The following ERC1 variants were observed in gnomAD, a reference collection of about 807,000 sequenced individuals.
ERC1 encodes the protein ELKS/RAB6-interacting/CAST family member 1, also known as RAB6 interacting protein 2.
Under a neutral mutation model 132.0 loss-of-function variants are expected in ERC1, and 56 were observed. The observed-to-expected ratio is 0.42, with a 90% CI of 0.34 to 0.53. ERC1 has a LOEUF of 0.53. Ranked by LOEUF, ERC1 falls within the 20% of genes least tolerant of loss-of-function variation. The pLI, the probability that ERC1 is intolerant of heterozygous loss-of-function variation, is 0.03. For missense variants in ERC1, 1,202 were observed against 1,349.9 expected (o/e 0.89, Z 1.72); for synonymous variants, 478 against 476.1 (o/e 1.00, Z -0.05).
At chr12:1,360,525 CT>C (rs1407699318) in intron 15 of ERC1, among the ~76,000 whole-genome samples, 1 of 152,174 alleles carries the variant, frequency 6.6e-6, no homozygotes, top group Non-Finnish European at 1.5e-5. Context: ...AATCCAAAAC[CT>C]ATCACTCTGA....
At chr12:1,374,493 A>C (rs991840177) in intron 16 of ERC1, among the ~76,000 whole-genome samples, 2 of 152,114 alleles carry the variant, frequency 1.3e-5, no homozygotes, top group Non-Finnish European at 1.5e-5. Context: ...AAAATAAACT[A>C]AGGCTGTCTA....
Position 1,442,350 on chromosome 12 carries a change from C to T in ERC1, c.3025-2212C>T. 1.3e-5 allele frequency among the ~76,000 whole-genome samples: 2 copies of T among 152,242 alleles called. 1 individual carries two copies. The highest frequency in any genetic ancestry group is 3.8e-4 in the East Asian group (2 of 5,204). On this transcript the variant is annotated intron_variant, in intron 17 of 18. Transcript: ENST00000360905. Reference sequence around the variant, plus strand: ...ACTTGATTGAAACACTGTCTTCCTTCTGTGACTGGCTGTGTTGACATGCCT... The same window carrying T: ...ACTTGATTGAAACACTGTCTTCCTTTTGTGACTGGCTGTGTTGACATGCCT...
intron 12 of ERC1, among the ~76,000 whole-genome samples, chr12:1,226,322 C>T (rs999721774): frequency 1.3e-5 from 2 of 152,142 alleles, no homozygotes; most frequent in African/African-American, 2.4e-5. Flanking sequence ...CATTTAAGTA[C>T]GGTGTACCAC....
chr12:1,406,494 T>G (rs1179697760), intron 16 of ERC1, among the ~76,000 whole-genome samples: 1 of 152,020 alleles, frequency 6.6e-6, no homozygotes, highest in Non-Finnish European at 1.5e-5. Context: ...AGAGAAAAAG[T>G]AGAATAAATC....
At chr12:1,353,287 C>T (rs1189818978) in intron 15 of ERC1, among the ~76,000 whole-genome samples, 1 of 152,124 alleles carries the variant, frequency 6.6e-6, no homozygotes, top group African/African-American at 2.4e-5. Context: ...GCCTCGGCCT[C>T]CCAAAGTACT....
chr12:1,311,277 A>C lies in ERC1; in HGVS notation c.2780+21265A>C, dbSNP rs115835836. Among the ~76,000 whole-genome samples the C allele has an allele frequency of 3.7e-3, 564 of 152,324 alleles. 6 individuals are homozygous for C. The highest frequency in any genetic ancestry group is 0.02 in the Middle Eastern group (6 of 294). The stretch of plus-strand genomic sequence containing the variant: ...CGTAAAACAGACAAAACTACTTGGC[A>C]AGAAAAATTGACCACTGACTTCTCT... On this transcript the variant is annotated intron_variant, in intron 15 of 18. Coordinates refer to ENST00000360905, the MANE Select transcript of ERC1 (RefSeq NM_178040.4).
At position 1,028,087 on chromosome 12, in the gene ERC1, T is replaced by G; in HGVS notation, c.184T>G (p.Leu62Val). Residue 62 changes from leucine to valine, a missense_variant, in exon 2 of 19, where the codon TTA becomes GTA. Transcript: ENST00000360905. The stretch of plus-strand genomic sequence containing the variant: ...CCTTTCAATGGAAAATATACAATCT[T>G]TAAATGCTGCCTATGCCACCTCTGG... ...KTLSMENIQSLNAAYATSGPM... is the reference protein window; with the variant it reads ...KTLSMENIQSVNAAYATSGPM... The G allele has an allele frequency of 6.2e-7, 1 of 1,614,144 alleles. No individual in the cohort carries two copies. The highest frequency in any genetic ancestry group is 8.5e-7 in the Non-Finnish European group (1 of 1,180,024).
chr12:1,345,474 C>T (rs941823544), intron 15 of ERC1, among the ~76,000 whole-genome samples: 35 of 152,146 alleles, frequency 2.3e-4, no homozygotes, highest in African/African-American at 8.0e-4. Context: ...TGAGCCACCA[C>T]GCCTGGCCAG....
chr12:1,339,941 C>T (rs1050599770), intron 15 of ERC1, among the ~76,000 whole-genome samples: 3 of 152,166 alleles, frequency 2.0e-5, no homozygotes, highest in Non-Finnish European at 2.9e-5. Context: ...CACACACATG[C>T]ACACTGGCAG....
intron 2 of ERC1, among the ~76,000 whole-genome samples, chr12:1,066,704 G>A (rs921444547): frequency 6.6e-6 from 1 of 152,058 alleles, no homozygotes; most frequent in African/African-American, 2.4e-5. Context: ...GGGTGTGGTG[G>A]TAGGTGCCTG....
intron 8 of ERC1, 30 bp from the exon 9 acceptor site, chr12:1,180,510 C>G: frequency 6.2e-7 from 1 of 1,607,230 alleles, no homozygotes; most frequent in Non-Finnish European, 8.5e-7. Context: ...CATGTCCTCT[C>G]TTTTCCCTTA....
At chr12:1,177,430 A>G (rs975254220) in intron 8 of ERC1, among the ~76,000 whole-genome samples, 12 of 152,158 alleles carry the variant, frequency 7.9e-5, no homozygotes, top group African/African-American at 2.9e-4. Context: ...GAGATGTGCA[A>G]CTTTTCCTTC....
Position 1,491,510 on chromosome 12 carries a change from G to A in ERC1, c.*1280G>A, listed in dbSNP as rs2094318469. 1 of 230,500 alleles carries A rather than the reference G, an allele frequency of 4.3e-6. No homozygotes were observed. Among genetic ancestry groups the A allele is most frequent in the Non-Finnish European group, 8.6e-6 (1 of 116,452 alleles). The allele number at this position is 230,500 out of a possible 1,614,324, so 14.3% of individuals were successfully genotyped here. A position where few individuals can be genotyped will look rare whatever the true frequency, so the allele number is the denominator to read the frequency against. On this transcript the variant is annotated 3_prime_UTR_variant, in exon 19 of 19. Transcript: ENST00000360905. ...GATTCTGTGAGACATACCTGCTGGA[G>A]TTGAAGCAGTAAATAGCATGTCCTT...
chr12:1,424,967 T>C (rs1414800293), intron 17 of ERC1, among the ~76,000 whole-genome samples: 2 of 152,134 alleles, frequency 1.3e-5, no homozygotes, highest in Admixed American at 6.5e-5. Flanking sequence ...GCCAGGGAGA[T>C]GTCAGAGTGG....
At chr12:1,104,260 G>C (rs541058459) in intron 3 of ERC1, among the ~76,000 whole-genome samples, 19 of 152,270 alleles carry the variant, frequency 1.2e-4, no homozygotes, top group Middle Eastern at 3.4e-3. Context: ...TAGGTAACCA[G>C]GTGGTGGTTA....
Position 1,490,376 on chromosome 12 carries a change from C to A in ERC1, c.*146C>A. On this transcript the variant is annotated 3_prime_UTR_variant, in exon 19 of 19. Coordinates refer to ENST00000360905, the MANE Select transcript of ERC1 (RefSeq NM_178040.4). ...ACTTGAAGAAGTGTGATTCCAGCAC[C>A]GTTTCTACATCTGCCATCTTACTCT... 1.4e-6 allele frequency: 1 copy of A among 736,216 alleles called. No homozygotes were observed. The highest frequency in any genetic ancestry group is 2.2e-6 in the Non-Finnish European group (1 of 458,384). The allele number at this position is 736,216 out of a possible 1,614,324, so 45.6% of individuals were successfully genotyped here. A position where few individuals can be genotyped will look rare whatever the true frequency, so the allele number is the denominator to read the frequency against.
Position 1,104,760 on chromosome 12 carries a change from G to A in ERC1, c.1097G>A (p.Arg366Gln), listed in dbSNP as rs746468698. 1.6e-5 allele frequency: 25 copies of A among 1,612,260 alleles called. No homozygotes were observed. The highest frequency in any genetic ancestry group is 5.0e-5 in the Admixed American group (3 of 60,012). Residue 366 changes from arginine (R) to glutamine (Q), a missense_variant, in exon 4 of 19, where the codon CGA becomes CAA. Arg to Gln is a conservative substitution (Grantham distance 43). Coordinates refer to ENST00000360905, the MANE Select transcript of ERC1 (RefSeq NM_178040.4). Reference sequence around the variant, plus strand: ...GCCTCTTTTCTACAGGAGATGCATCGAAGGTTTGAGAATGCTCCTGATTCT... The same window carrying A: ...GCCTCTTTTCTACAGGAGATGCATCAAAGGTTTGAGAATGCTCCTGATTCT... Reference protein sequence around the residue: ...ENSMLREEMHRRFENAPDSAK... With the variant: ...ENSMLREEMHQRFENAPDSAK...
chr12:1,034,998 C>A (rs1173116853), intron 2 of ERC1, among the ~76,000 whole-genome samples: 1 of 152,126 alleles, frequency 6.6e-6, no homozygotes, highest in Non-Finnish European at 1.5e-5. Context: ...ATGCATTCTC[C>A]GTATACCCAC....
rs986157860 is a variant in ERC1, at chr12:1,157,851, A to G, written c.1737+16064A>G. Among the ~76,000 whole-genome samples, 6 of 152,356 alleles carry G rather than the reference A, an allele frequency of 3.9e-5. No homozygotes were observed. The East Asian group carries it at 7.7e-4, about 20-fold the overall frequency. On this transcript the variant is annotated intron_variant, in intron 8 of 18. Transcript: ENST00000360905. ...TGAAGATCCAAATATCTAAAAAACC[A>G]TCATGCAGAAGAAAGATTAGACTTG... is the stretch of plus-strand genomic sequence containing the variant.
Sources: allele counts gnomAD v4.1 joint callset (sites outside exome capture counted in the v4.1 genomes callset), GRCh38; gene constraint gnomAD v4.1.1; transcripts MANE v1.5; gene names NCBI Gene and HGNC (gene_info 2026-07-23, HGNC 2026-07-21).